The following RNMT variants were observed in gnomAD, a reference collection of about 807,000 sequenced individuals.
The protein encoded by RNMT is RNA guanine-7 methyltransferase.
In RNMT, 27 loss-of-function variants were observed where a neutral mutation model predicts 56.0. The observed-to-expected ratio is 0.48, with a 90% CI of 0.36 to 0.67. The LOEUF (loss-of-function observed/expected upper bound fraction) is 0.67. RNMT is among the 30% of genes least tolerant of loss of function. RNMT has a pLI of 0.00. For missense variants in RNMT, 519 were observed against 552.1 expected (o/e 0.94, Z 0.60); for synonymous variants, 184 against 176.2 (o/e 1.04, Z -0.35).
intron 9 of RNMT, among the ~76,000 whole-genome samples, chr18:13,748,957 T>A (rs1485553236): frequency 6.6e-6 from 1 of 152,094 alleles, no homozygotes; most frequent in Non-Finnish European, 1.5e-5. Context: ...TGCATACTTG[T>A]AATCCCAGCT....
chr18:13,744,937 A>G (rs897878475), intron 8 of RNMT, among the ~76,000 whole-genome samples: 13 of 152,212 alleles, frequency 8.5e-5, no homozygotes, highest in Admixed American at 7.2e-4. Flanking sequence ...GACCTAATAT[A>G]ATTAAGATTT....
rs772399725 is a variant in RNMT, at chr18:13,731,576, C to T, written c.59C>T (p.Ala20Val). ...YEKMSLEQAK[A>V]SVNSETESSF... ...AAGATGTCTCTTGAACAGGCAAAAGCGTCAGTGAATTCTGAAACAGAGTCT... is the reference window on the plus strand; with the variant it reads ...AAGATGTCTCTTGAACAGGCAAAAGTGTCAGTGAATTCTGAAACAGAGTCT... Residue 20 changes from alanine to valine, a missense_variant, in exon 3 of 12, where the codon GCG becomes GTG. Transcript: ENST00000383314. 13 of 1,612,562 alleles carry T rather than the reference C, an allele frequency of 8.1e-6. No individual in the cohort carries two copies. The highest frequency in any genetic ancestry group is 1.3e-5 in the African/African-American group (1 of 74,800).
Position 13,742,539 on chromosome 18 carries a change from T to A in RNMT, c.1026T>A (p.Thr342=). The part of the protein sequence containing the change: ...ETESFGNEIY[T]VKFQKKGDYP... ...AATCATTTGGAAATGAAATATATAC[T>A]GTGAAATTTCAGAAGAAAGGAGATT... Residue 342 remains threonine, a synonymous_variant, in exon 8 of 12, where the codon ACT becomes ACA. Coordinates refer to ENST00000383314, the MANE Select transcript of RNMT (RefSeq NM_003799.3). The A allele has an allele frequency of 6.2e-7, 1 of 1,613,380 alleles. No homozygotes were observed. Among genetic ancestry groups the A allele is most frequent in the Non-Finnish European group, 8.5e-7 (1 of 1,179,556 alleles).
At chr18:13,757,499 A>G (rs1055170145) in intron 11 of RNMT, among the ~76,000 whole-genome samples, 2 of 152,234 alleles carry the variant, frequency 1.3e-5, no homozygotes, top group Non-Finnish European at 2.9e-5. Flanking sequence ...TGTGTTTACC[A>G]GAAGTAGATT....
rs1446625837 is a variant in RNMT, at chr18:13,760,264, A to G, written c.*285A>G. On this transcript the variant is annotated 3_prime_UTR_variant, in exon 12 of 12. Transcript: ENST00000383314. The stretch of plus-strand genomic sequence containing the variant: ...TGATCTTAGCTCATAAAAATATAAT[A>G]TGACTTGATAAAGCAACTAAACTCT... 2.6e-5 allele frequency: 29 copies of G among 1,117,002 alleles called. No individual in the cohort carries two copies. The highest frequency in any genetic ancestry group is 3.1e-5 in the Non-Finnish European group (28 of 913,898). 69.2% of individuals were successfully genotyped at this position (1,117,002 alleles called of 1,614,324 possible). A position where few individuals can be genotyped will look rare whatever the true frequency, so the allele number is the denominator to read the frequency against.
At chr18:13,749,498 CAAA>C (rs2044405576) in intron 9 of RNMT, among the ~76,000 whole-genome samples, 1 of 151,994 alleles carries the variant, frequency 6.6e-6, no homozygotes, top group Non-Finnish European at 1.5e-5. Flanking sequence ...AGAAAAGAGA[CAAA>C]GAAGATTGCA....
chr18:13,733,202 T>C (rs1349983352), intron 3 of RNMT, among the ~76,000 whole-genome samples: 9 of 152,182 alleles, frequency 5.9e-5, no homozygotes, highest in Non-Finnish European at 1.3e-4. Context: ...TCAGTGAGAT[T>C]CAGCACTTTG....
intron 3 of RNMT, among the ~76,000 whole-genome samples, chr18:13,733,550 G>A (rs2044110749): frequency 1.3e-5 from 2 of 152,022 alleles, no homozygotes; most frequent in African/African-American, 4.8e-5. Context: ...GCTAATTTTT[G>A]TATTTTTAGT....
At position 13,731,144 on chromosome 18, in the gene RNMT, C is replaced by T. The variant is rs577461586; in HGVS notation, c.-42-332C>T. On this transcript the variant is annotated intron_variant, in intron 2 of 11. Transcript: ENST00000383314. ...ATTTTAGGCCAGGCGCAGTGGCTTACGCCTGTAATCCCAGCACTTTGGGAG... is the reference window on the plus strand; with the variant it reads ...ATTTTAGGCCAGGCGCAGTGGCTTATGCCTGTAATCCCAGCACTTTGGGAG... Among the ~76,000 whole-genome samples the T allele has an allele frequency of 3.4e-4, 52 of 152,282 alleles. 1 individual carries two copies. The highest frequency in any genetic ancestry group is 3.4e-3 in the Middle Eastern group (1 of 294).
At chr18:13,745,508 G>C (rs2044336250) in intron 8 of RNMT, among the ~76,000 whole-genome samples, 1 of 152,182 alleles carries the variant, frequency 6.6e-6, no homozygotes, top group Admixed American at 6.5e-5. Flanking sequence ...GAGATGGCAT[G>C]GATCACTAGG....
chr18:13,739,679 G>A (rs183249131), intron 5 of RNMT, among the ~76,000 whole-genome samples: 3 of 152,114 alleles, frequency 2.0e-5, no homozygotes, highest in Admixed American at 6.5e-5. Flanking sequence ...CTAGCTACTC[G>A]GGAGGCTGAG....
chr18:13,742,317 A>C (rs1885451865), intron 7 of RNMT, among the ~76,000 whole-genome samples, 171 bp from the exon 8 acceptor site: 1 of 151,822 alleles, frequency 6.6e-6, no homozygotes. Context: ...CCTGAATGAC[A>C]GATTAAGACC....
At position 13,760,122 on chromosome 18, in the gene RNMT, T is replaced by A. The variant is rs897810118; in HGVS notation, c.*143T>A. 3 of 1,397,448 alleles carry A rather than the reference T, an allele frequency of 2.1e-6. No homozygotes were observed. In the Admixed American group the frequency reaches 8.5e-5, roughly 39 times the overall value. The allele number at this position is 1,397,448 out of a possible 1,614,324, so 86.6% of individuals were successfully genotyped here. On this transcript the variant is annotated 3_prime_UTR_variant, in exon 12 of 12. Transcript: ENST00000383314. ...CTGCCAGAAACTCCAATGTAGAAAT[T>A]CAACATTTGCTGTCTGTGACAGATG...
chr18:13,741,469 G>C, intron 6 of RNMT, 41 bp from the exon 7 acceptor site: 1 of 1,433,976 alleles, frequency 7.0e-7, no homozygotes, highest in Non-Finnish European at 9.7e-7. Flanking sequence ...AATCTTTGTT[G>C]TAGTTACCTC....
intron 3 of RNMT, among the ~76,000 whole-genome samples, 168 bp downstream of exon 3, chr18:13,732,102 G>T (rs1186595443): frequency 6.6e-6 from 1 of 152,168 alleles, no homozygotes; most frequent in Non-Finnish European, 1.5e-5. Flanking sequence ...TTCTGTTAAG[G>T]TGAAACATCT....
chr18:13,753,859 CTT>C (rs1403626454), intron 10 of RNMT, among the ~76,000 whole-genome samples: 1 of 118,522 alleles, frequency 8.4e-6, no homozygotes, highest in Non-Finnish European at 1.9e-5. Flanking sequence ...ACAATGCCCT[CTT>C]CACACACATT....
chr18:13,745,282 GATTGGAAA>G (rs1169362345), intron 8 of RNMT, among the ~76,000 whole-genome samples: 1 of 152,164 alleles, frequency 6.6e-6, no homozygotes, highest in African/African-American at 2.4e-5. Flanking sequence ...ATCTGGCTGC[GATTGGAAA>G]ATTCATTGAG....
intron 5 of RNMT, among the ~76,000 whole-genome samples, chr18:13,737,885 G>A (rs1210976636): frequency 6.6e-6 from 1 of 150,926 alleles, no homozygotes; most frequent in African/African-American, 2.4e-5. Flanking sequence ...AGATAAAGAG[G>A]AATTATAGAA....
chr18:13,740,019 C>G, intron 5 of RNMT, 148 bp from the exon 6 acceptor site: 1 of 620,156 alleles, frequency 1.6e-6, no homozygotes, highest in East Asian at 3.0e-5. Context: ...TGCGTCGGAA[C>G]AAAGCCCTTT....
Sources: allele counts gnomAD v4.1 joint callset (sites outside exome capture counted in the v4.1 genomes callset), GRCh38; gene constraint gnomAD v4.1.1; transcripts MANE v1.5; gene names NCBI Gene and HGNC (gene_info 2026-07-23, HGNC 2026-07-21).